The following KCNIP4 variants were observed in gnomAD, a reference collection of about 807,000 sequenced individuals.
KCNIP4 encodes potassium voltage-gated channel interacting protein 4, also known as Kv channel-interacting protein 4.
A neutral mutation model predicts 34.0 loss-of-function variants in KCNIP4; 12 were observed. The ratio of observed to expected loss-of-function variants is 0.35; its 90% CI spans 0.23 to 0.57. KCNIP4 has a LOEUF of 0.57. KCNIP4 is among the 20% of genes least tolerant of loss of function. The probability of loss-of-function intolerance (pLI) is 0.83; values close to 1 mark genes in which losing one functional copy is unlikely to be tolerated. For synonymous variants in KCNIP4, 124 were observed against 102.2 expected (o/e 1.21, Z -1.29); for missense variants, 238 against 311.7 (o/e 0.76, Z 1.78).
chr4:21,484,016 T>A (rs959186435), intron 1 of KCNIP4, among the ~76,000 whole-genome samples: 16 of 151,988 alleles, frequency 1.1e-4, no homozygotes, highest in African/African-American at 1.7e-4. Context: ...TTTTTTTTTT[T>A]TATAGATTAC....
chr4:21,652,805 G>A (rs2108973585), intron 1 of KCNIP4, among the ~76,000 whole-genome samples: 1 of 152,226 alleles, frequency 6.6e-6, no homozygotes, highest in African/African-American at 2.4e-5. Flanking sequence ...ATATATAATT[G>A]GATGTAGAGC....
In KCNIP4 at chr4:21,371,316, A is replaced by C. The variant is rs1720427340; in HGVS notation, c.62-488607T>G. Among the ~76,000 whole-genome samples the C allele has an allele frequency of 2.0e-5, 3 of 146,772 alleles. 1 individual carries two copies. The highest frequency in any genetic ancestry group is 8.2e-5 in the African/African-American group (3 of 36,488). ...AGGTAAAAGAAAGAACAATGTAGGCAAGAAGGTCAACAGTAATAATGACCC... is the reference window on the plus strand; with the variant it reads ...AGGTAAAAGAAAGAACAATGTAGGCCAGAAGGTCAACAGTAATAATGACCC... On this transcript the variant is annotated intron_variant, in intron 1 of 8. Transcript: ENST00000382152.
chr4:21,780,922 C>T (rs1419622394), intron 1 of KCNIP4, among the ~76,000 whole-genome samples: 1 of 152,144 alleles, frequency 6.6e-6, no homozygotes, highest in Non-Finnish European at 1.5e-5. Flanking sequence ...GTGGCATCAT[C>T]ACTCCAATTT....
intron 1 of KCNIP4, among the ~76,000 whole-genome samples, chr4:21,154,119 C>A (rs915519887): frequency 1.3e-5 from 2 of 152,006 alleles, no homozygotes; most frequent in African/African-American, 4.8e-5. Flanking sequence ...AAGTTGTTTG[C>A]CCTTATATAT....
intron 1 of KCNIP4, among the ~76,000 whole-genome samples, chr4:21,454,192 C>T (rs539662942): frequency 8.5e-5 from 13 of 152,110 alleles, no homozygotes; most frequent in South Asian, 4.1e-4. Context: ...AGACGTGTCC[C>T]GAGATTTTAC....
intron 1 of KCNIP4, among the ~76,000 whole-genome samples, chr4:21,216,640 C>G (rs193183340): frequency 6.6e-6 from 1 of 152,030 alleles, no homozygotes; most frequent in Non-Finnish European, 1.5e-5. Context: ...GGGGGTAGAA[C>G]GAGAACTAGG....
At chr4:20,872,313 T>G (rs1327437673) in intron 2 of KCNIP4, among the ~76,000 whole-genome samples, 1 of 152,124 alleles carries the variant, frequency 6.6e-6, no homozygotes, top group Non-Finnish European at 1.5e-5. Flanking sequence ...GAACTCATCT[T>G]TTGTTCTTCT....
intron 1 of KCNIP4, among the ~76,000 whole-genome samples, chr4:21,428,673 A>G (rs1002020575): frequency 6.6e-6 from 1 of 152,228 alleles, no homozygotes; most frequent in Non-Finnish European, 1.5e-5. Context: ...CTGACTAGCC[A>G]CAAGGAAAGA....
intron 1 of KCNIP4, among the ~76,000 whole-genome samples, chr4:21,142,212 T>C (rs537117626): frequency 6.6e-6 from 1 of 151,084 alleles, no homozygotes; most frequent in Admixed American, 6.6e-5. Flanking sequence ...AAATCTAGGC[T>C]GCCCTGGGCT....
chr4:21,929,691 T>G (rs1484179908), intron 1 of KCNIP4, among the ~76,000 whole-genome samples: 1 of 152,150 alleles, frequency 6.6e-6, no homozygotes, highest in Non-Finnish European at 1.5e-5. Flanking sequence ...AAGAATTGTC[T>G]ACACCTGCTC....
chr4:21,379,854 G>A (rs1438901913), intron 1 of KCNIP4, among the ~76,000 whole-genome samples: 1 of 151,956 alleles, frequency 6.6e-6, no homozygotes, highest in East Asian at 1.9e-4. Flanking sequence ...TTGTAATTAT[G>A]TATGTCTGCT....
intron 1 of KCNIP4, among the ~76,000 whole-genome samples, chr4:21,682,769 A>G (rs1053456042): frequency 6.6e-6 from 1 of 152,150 alleles, no homozygotes; most frequent in Non-Finnish European, 1.5e-5. Context: ...CCCAAGGAGA[A>G]GAAAAGACAT....
In KCNIP4 at chr4:21,618,630, C is replaced by CT. The variant is rs58967707; in HGVS notation, c.61+329940dup. Among the ~76,000 whole-genome samples, 479 of 81,760 alleles carry CT rather than the reference C, an allele frequency of 5.9e-3. 9 individuals carry two copies. The highest frequency in any genetic ancestry group is 7.7e-3 in the African/African-American group (157 of 20,300). 53.6% of individuals were successfully genotyped at this position (81,760 alleles called of 152,430 possible). On this transcript the variant is annotated intron_variant, in intron 1 of 8. Transcript: ENST00000382152. ...TTCTTTTCTTTTTCTTTTTCTTTTT[C>CT]TTTTTTTTTTTTTTTTTTTTGAGAG...
At chr4:21,216,469 C>A (rs1476739573) in intron 1 of KCNIP4, among the ~76,000 whole-genome samples, 1 of 152,094 alleles carries the variant, frequency 6.6e-6, no homozygotes, top group Non-Finnish European at 1.5e-5. Context: ...TGAGCTGGAC[C>A]CTGTCTACAT....
intron 5 of KCNIP4, among the ~76,000 whole-genome samples, chr4:20,748,306 C>G (rs768273514): frequency 3.3e-5 from 5 of 152,016 alleles, no homozygotes; most frequent in South Asian, 2.1e-4. Flanking sequence ...TCTGTCCAGC[C>G]TCTGCCCCAC....
intron 3 of KCNIP4, among the ~76,000 whole-genome samples, chr4:20,759,123 G>A (rs1754732224): frequency 6.6e-6 from 1 of 152,144 alleles, no homozygotes; most frequent in Admixed American, 6.6e-5. Flanking sequence ...CAAAGTAGGT[G>A]TAATGTATTC....
chr4:20,959,713 C>CA (rs1733663346), intron 1 of KCNIP4, among the ~76,000 whole-genome samples: 1 of 152,096 alleles, frequency 6.6e-6, no homozygotes, highest in Non-Finnish European at 1.5e-5. Context: ...TATCTCTCTT[C>CA]CCACCTTGAA....
At chr4:21,805,893 C>T (rs533396361) in intron 1 of KCNIP4, among the ~76,000 whole-genome samples, 9 of 152,280 alleles carry the variant, frequency 5.9e-5, no homozygotes, top group African/African-American at 1.7e-4. Context: ...ACATATTAAG[C>T]AACTCAGTAA....
intron 1 of KCNIP4, among the ~76,000 whole-genome samples, chr4:21,310,179 T>C (rs930877639): frequency 2.0e-5 from 3 of 151,482 alleles, no homozygotes; most frequent in African/African-American, 7.3e-5. Context: ...AGTGCAGGCG[T>C]GCATCACCAC....
Sources: allele counts gnomAD v4.1 joint callset (sites outside exome capture counted in the v4.1 genomes callset), GRCh38; gene constraint gnomAD v4.1.1; transcripts MANE v1.5; gene names NCBI Gene and HGNC (gene_info 2026-07-23, HGNC 2026-07-21).